The following XKR4 variants were observed in gnomAD, a reference collection of about 807,000 sequenced individuals.
The protein encoded by XKR4 is XK related 4, also known as XK-related protein 4.
Under a neutral mutation model 53.9 loss-of-function variants are expected in XKR4, and 12 were observed. The observed-to-expected ratio is 0.22, with a 90% confidence interval of 0.14 to 0.36. The LOEUF (loss-of-function observed/expected upper bound fraction) is 0.36, where lower values mean the gene tolerates loss of function less well. Ranked by LOEUF, XKR4 falls within the 10% of genes least tolerant of loss-of-function variation. The pLI is 1.00. For missense variants in XKR4, 799 were observed against 859.5 expected (o/e 0.93, Z 0.88); for synonymous variants, 354 against 362.4 (o/e 0.98, Z 0.26).
chr8:55,305,676 C>CA (rs370743464), intron 1 of XKR4, among the ~76,000 whole-genome samples: 245 of 152,212 alleles, frequency 1.6e-3, no homozygotes, highest in African/African-American at 5.6e-3. Flanking sequence ...GCTTAACAAA[C>CA]ACAGCACTGT....
chr8:55,133,200 A>G (rs1173791215), intron 1 of XKR4, among the ~76,000 whole-genome samples: 1 of 152,260 alleles, frequency 6.6e-6, no homozygotes, highest in East Asian at 1.9e-4. Context: ...ATGGAAAAGC[A>G]GATAGTGGAA....
intron 1 of XKR4, among the ~76,000 whole-genome samples, chr8:55,302,408 A>G (rs1256779382): frequency 6.6e-6 from 1 of 152,082 alleles, no homozygotes; most frequent in Non-Finnish European, 1.5e-5. Flanking sequence ...GCCTTGTAGT[A>G]TAGTTTGAAG....
chr8:55,341,862 G>A (rs542559052), intron 1 of XKR4, among the ~76,000 whole-genome samples: 10 of 152,056 alleles, frequency 6.6e-5, no homozygotes, highest in Middle Eastern at 3.4e-3. Context: ...AAACCCTCTC[G>A]GTGGGCACTG....
In XKR4 at chr8:55,531,812, T is replaced by G. The variant is rs1172239465; in HGVS notation, c.*7585T>G. The stretch of plus-strand genomic sequence containing the variant: ...CACTAACTGTATTTCTCCAGCATAC[T>G]GGTTATTTAGGAATAACAAATTTCT... On this transcript the variant is annotated 3_prime_UTR_variant, in exon 3 of 3. Transcript: ENST00000327381. 6.6e-6 allele frequency: 1 copy of G among 152,286 alleles called. No homozygotes were observed. The highest frequency in any genetic ancestry group is 1.5e-5 in the Non-Finnish European group (1 of 68,048). The allele number at this position is 152,286 out of a possible 1,614,324, so 9.4% of individuals were successfully genotyped here. A position where few individuals can be genotyped will look rare whatever the true frequency, so the allele number is the denominator to read the frequency against.
intron 1 of XKR4, among the ~76,000 whole-genome samples, chr8:55,108,299 T>C (rs1816183358): frequency 6.6e-6 from 1 of 152,086 alleles, no homozygotes; most frequent in Non-Finnish European, 1.5e-5. Context: ...GGCCAGATAA[T>C]GAAAGGAATT....
At chr8:55,157,078 C>A (rs1816918660) in intron 1 of XKR4, among the ~76,000 whole-genome samples, 1 of 152,234 alleles carries the variant, frequency 6.6e-6, no homozygotes, top group Non-Finnish European at 1.5e-5. Flanking sequence ...TCTATAACAA[C>A]TTTCCATGAC....
chr8:55,106,940 A>T (rs902052476), intron 1 of XKR4, among the ~76,000 whole-genome samples: 3 of 152,158 alleles, frequency 2.0e-5, no homozygotes, highest in Non-Finnish European at 4.4e-5. Context: ...AAAATGACAG[A>T]TTAAACAAAG....
At chr8:55,245,290 G>T (rs1163453069) in intron 1 of XKR4, among the ~76,000 whole-genome samples, 1 of 152,032 alleles carries the variant, frequency 6.6e-6, no homozygotes, top group African/African-American at 2.4e-5. Flanking sequence ...ACCTTTGATG[G>T]ATGCATAGTT....
chr8:55,354,008 CA>C (rs1171792657), intron 1 of XKR4, among the ~76,000 whole-genome samples: 1 of 151,996 alleles, frequency 6.6e-6, no homozygotes, highest in Non-Finnish European at 1.5e-5. Flanking sequence ...TTTAGTCTAC[CA>C]AAATTATCGA....
intron 1 of XKR4, among the ~76,000 whole-genome samples, chr8:55,319,080 T>C (rs1336637776): frequency 6.6e-6 from 1 of 152,168 alleles, no homozygotes; most frequent in African/African-American, 2.4e-5. Flanking sequence ...CTGCAACTAA[T>C]TTTTTCCATG....
At chr8:55,179,867 T>A (rs1817283615) in intron 1 of XKR4, among the ~76,000 whole-genome samples, 1 of 152,172 alleles carries the variant, frequency 6.6e-6, no homozygotes, top group East Asian at 1.9e-4. Context: ...TATAATAAAA[T>A]TACATATTTG....
chr8:55,323,859 C>G lies in XKR4; in HGVS notation c.807-33819C>G, dbSNP rs531477735. ...TCTGTCTTCAAGTTCACTGACTTCTCTATTATCACTATTCCACTATTGTCT... is the reference window on the plus strand; with the variant it reads ...TCTGTCTTCAAGTTCACTGACTTCTGTATTATCACTATTCCACTATTGTCT... On this transcript the variant is annotated intron_variant, in intron 1 of 2. Transcript: ENST00000327381. Among the ~76,000 whole-genome samples, 88 of 152,252 alleles carry G rather than the reference C, an allele frequency of 5.8e-4. 1 individual carries two copies. In the South Asian group the frequency reaches 0.012, roughly 22 times the overall value.
chr8:55,365,707 CAAA>C (rs397932881), intron 2 of XKR4, among the ~76,000 whole-genome samples: 12 of 76,142 alleles, frequency 1.6e-4, no homozygotes, highest in African/African-American at 3.2e-4. Flanking sequence ...AACTTCGTCT[CAAA>C]AAAAAAAAAA....
rs189005747 is a variant in XKR4 at position 55,116,765 on chromosome 8, A to G, written c.806+13471A>G. 6.1e-3 allele frequency among the ~76,000 whole-genome samples: 925 copies of G among 152,046 alleles called. 6 individuals carry two copies. The highest frequency in any genetic ancestry group is 0.01 in the Non-Finnish European group (704 of 67,950). The stretch of plus-strand genomic sequence containing the variant: ...CTTGCTAGGGTTCCCTCCCCCATCT[A>G]TGTGCTGGGAGGTGATTTTTTGGTT... On this transcript the variant is annotated intron_variant, in intron 1 of 2. Coordinates refer to ENST00000327381, the MANE Select transcript of XKR4 (RefSeq NM_052898.2).
intron 2 of XKR4, among the ~76,000 whole-genome samples, chr8:55,369,372 G>A (rs2979056): frequency 0.021 from 887 of 42,574 alleles, 4 homozygotes; most frequent in African/African-American, 0.035. Flanking sequence ...AAGGGAAGGG[G>A]AGGGGAGGGG....
intron 1 of XKR4, among the ~76,000 whole-genome samples, chr8:55,297,136 A>G (rs1819111679): frequency 6.6e-6 from 1 of 152,178 alleles, no homozygotes; most frequent in Non-Finnish European, 1.5e-5. Context: ...CTTGGGCTGG[A>G]GGATTGGTGT....
At chr8:55,478,557 T>C (rs1806041574) in intron 2 of XKR4, among the ~76,000 whole-genome samples, 1 of 152,042 alleles carries the variant, frequency 6.6e-6, no homozygotes, top group African/African-American at 2.4e-5. Context: ...CAATATTAAC[T>C]TTAAATGTAA....
intron 2 of XKR4, chr8:55,454,643 T>G (rs963659790): frequency 9.3e-7 from 1 of 1,079,074 alleles, no homozygotes; most frequent in African/African-American, 1.5e-5. Context: ...AGGGGCACGG[T>G]GCACGTCAGC....
chr8:55,103,746 C>G (rs897211302), intron 1 of XKR4, among the ~76,000 whole-genome samples: 2 of 150,896 alleles, frequency 1.3e-5, no homozygotes, highest in Non-Finnish European at 2.9e-5. Flanking sequence ...ATTGCTAATT[C>G]TAGTGAAATG....
Sources: gnomAD v4.1 joint callset for allele counts (sites outside exome capture counted in the v4.1 genomes callset) on GRCh38, gnomAD v4.1.1 for gene constraint, MANE v1.5 for transcripts, NCBI Gene and HGNC (gene_info 2026-07-23, HGNC 2026-07-21) for gene names.